CSMD1: variants seen among roughly 807,000 people sequenced by gnomAD.
CSMD1 encodes CUB and Sushi multiple domains 1, also known as CUB and sushi domain-containing protein 1.
A neutral mutation model predicts 417.5 loss-of-function variants in CSMD1; 213 were observed. The observed-to-expected ratio is 0.51, with a 90% CI of 0.46 to 0.57. The LOEUF is 0.57. Ranked by LOEUF, CSMD1 falls within the 20% of genes least tolerant of loss-of-function variation. The probability of loss-of-function intolerance (pLI) is 0.00; values close to 1 mark genes in which losing one functional copy is unlikely to be tolerated. For missense variants in CSMD1, 6,923 were observed against 4,529.7 expected, an observed-to-expected ratio of 1.53 and a Z score of -15.17; for synonymous variants, 2,862 against 1,736.8, an observed-to-expected ratio of 1.65 and a Z score of -16.11.
chr8:4,903,244 C>T (rs536177672), intron 1 of CSMD1, among the ~76,000 whole-genome samples: 1 of 152,300 alleles, frequency 6.6e-6, no homozygotes, highest in Admixed American at 6.5e-5. Flanking sequence ...TACAGCCAGA[C>T]TTAGTGTGTC....
intron 2 of CSMD1, among the ~76,000 whole-genome samples, chr8:4,569,337 G>A (rs1485167880): frequency 2.0e-5 from 3 of 152,184 alleles, no homozygotes; most frequent in Admixed American, 6.5e-5. Context: ...GTAACGAAGT[G>A]ATCCAGTTAC....
intron 3 of CSMD1, among the ~76,000 whole-genome samples, chr8:4,182,714 A>T (rs879712651): frequency 6.6e-6 from 1 of 152,160 alleles, no homozygotes; most frequent in Admixed American, 6.6e-5. Context: ...GTTAGAAAGA[A>T]AAAGAACAGC....
intron 5 of CSMD1, among the ~76,000 whole-genome samples, chr8:3,981,059 C>T (rs775768540): frequency 2.6e-5 from 4 of 152,144 alleles, no homozygotes; most frequent in Non-Finnish European, 5.9e-5. Flanking sequence ...CAGTCAAAAA[C>T]GCCCGTACTT....
At chr8:3,217,573 T>C (rs982925780) in intron 29 of CSMD1, among the ~76,000 whole-genome samples, 1 of 152,168 alleles carries the variant, frequency 6.6e-6, no homozygotes, top group African/African-American at 2.4e-5. Context: ...AGTACTGTCA[T>C]GGTAAAATGC....
intron 5 of CSMD1, among the ~76,000 whole-genome samples, chr8:3,768,165 A>G (rs1297736474): frequency 2.0e-5 from 3 of 152,226 alleles, no homozygotes; most frequent in African/African-American, 7.2e-5. Flanking sequence ...TAGGAGAACT[A>G]AAGCCCAGAA....
rs577782482 is a variant in CSMD1, at chr8:3,642,711, T to C, written c.1010-25914A>G. 1.1e-4 allele frequency among the ~76,000 whole-genome samples: 17 copies of C among 152,192 alleles called. No homozygotes were observed. In the East Asian group the frequency reaches 2.1e-3, roughly 19 times the overall value. The stretch of plus-strand genomic sequence containing the variant: ...GGATACAAAAGAAGTATATTTAACA[T>C]ATATCTATTAGTAAAAGAAAGACTA... On this transcript the variant is annotated intron_variant, in intron 7 of 69. Coordinates refer to ENST00000635120, the MANE Select transcript of CSMD1 (RefSeq NM_033225.6).
At chr8:3,486,596 A>G (rs1818047907) in intron 11 of CSMD1, among the ~76,000 whole-genome samples, 1 of 152,142 alleles carries the variant, frequency 6.6e-6, no homozygotes. Context: ...ACTGGAAATG[A>G]CTCCTGCTGT....
In CSMD1 at chr8:4,067,905, C is replaced by G. The variant is rs1015870705; in HGVS notation, c.416-35806G>C. 2.2e-4 allele frequency among the ~76,000 whole-genome samples: 33 copies of G among 152,016 alleles called. 1 individual carries two copies. Among genetic ancestry groups the G allele is most frequent in the Admixed American group, 1.9e-3 (29 of 15,246 alleles). On this transcript the variant is annotated intron_variant, in intron 3 of 69. Transcript: ENST00000635120. The stretch of plus-strand genomic sequence containing the variant: ...CATCCTGGCCAACATGATGAAACCC[C>G]AACTCTACTAAAAATGCAAAAATTA...
rs375483060 is a variant in CSMD1 at position 4,955,170 on chromosome 8, G to C, written c.85+39162C>G. Among the ~76,000 whole-genome samples, 33 of 152,248 alleles carry C rather than the reference G, an allele frequency of 2.2e-4. No individual in the cohort carries two copies. The East Asian group carries it at 6.0e-3, about 28-fold the overall frequency. ...CTATATCAGAAACCCTCTGAGTGCA[G>C]ACCTACGGGGCTGTTCCCGTTGGCT... On this transcript the variant is annotated intron_variant, in intron 1 of 69. Coordinates refer to ENST00000635120, the MANE Select transcript of CSMD1 (RefSeq NM_033225.6).
At chr8:4,958,831 C>T (rs1233007087) in intron 1 of CSMD1, among the ~76,000 whole-genome samples, 1 of 152,058 alleles carries the variant, frequency 6.6e-6, no homozygotes, top group Non-Finnish European at 1.5e-5. Context: ...TGACAAGTGT[C>T]TAAAAAATGC....
At chr8:3,188,088 G>GTATATATATATACATATGTATATGTA (rs1563124876) in intron 35 of CSMD1, 123 bp from the exon 36 acceptor site, 36 of 275,418 alleles carry the variant, frequency 1.3e-4, no homozygotes, top group East Asian at 1.9e-4. Context: ...ATATGTATAT[G>GTATATATATATACATATGTATATGTA]TATATATATA....
At chr8:4,433,810 G>T (rs1046280317) in intron 2 of CSMD1, among the ~76,000 whole-genome samples, 1 of 151,460 alleles carries the variant, frequency 6.6e-6, no homozygotes, top group Non-Finnish European at 1.5e-5. Context: ...TCCTTTGCAA[G>T]ATACTTTTAA....
At chr8:4,073,742 T>C (rs1298955376) in intron 3 of CSMD1, among the ~76,000 whole-genome samples, 1 of 152,144 alleles carries the variant, frequency 6.6e-6, no homozygotes, top group Non-Finnish European at 1.5e-5. Flanking sequence ...CTGTTTTCCA[T>C]TTCAGCAATT....
At chr8:4,631,717 C>T (rs1320167796) in intron 2 of CSMD1, among the ~76,000 whole-genome samples, 1 of 152,122 alleles carries the variant, frequency 6.6e-6, no homozygotes, top group Non-Finnish European at 1.5e-5. Flanking sequence ...ATTTTAACAA[C>T]ACTTATTCAT....
chr8:2,982,632 C>T (rs1805522359), intron 54 of CSMD1, among the ~76,000 whole-genome samples: 1 of 152,308 alleles, frequency 6.6e-6, no homozygotes, highest in East Asian at 1.9e-4. Flanking sequence ...GCAAAGCACC[C>T]GCACTATGAC....
intron 1 of CSMD1, among the ~76,000 whole-genome samples, chr8:4,884,324 T>G (rs1323703993): frequency 6.6e-6 from 1 of 151,958 alleles, no homozygotes; most frequent in Non-Finnish European, 1.5e-5. Context: ...ATTCTGTGGG[T>G]TATCTTTGTG....
chr8:3,939,899 T>G (rs1030427165), intron 5 of CSMD1, among the ~76,000 whole-genome samples: 5 of 152,002 alleles, frequency 3.3e-5, no homozygotes, highest in African/African-American at 1.2e-4. Context: ...AAAGACTACA[T>G]ATTGGGTTCA....
chr8:3,823,690 G>A (rs1047352860), intron 5 of CSMD1, among the ~76,000 whole-genome samples: 1 of 152,044 alleles, frequency 6.6e-6, no homozygotes, highest in African/African-American at 2.4e-5. Flanking sequence ...ATGGATATAT[G>A]TTTGAACCAT....
chr8:3,472,698 G>A (rs140491894), intron 11 of CSMD1, among the ~76,000 whole-genome samples: 15 of 151,658 alleles, frequency 9.9e-5, no homozygotes, highest in African/African-American at 3.2e-4. Context: ...GCCCTAAGTC[G>A]TCATCATTTT....
Sources: gnomAD v4.1 joint callset for allele counts (sites outside exome capture counted in the v4.1 genomes callset) on GRCh38, gnomAD v4.1.1 for gene constraint, MANE v1.5 for transcripts, NCBI Gene and HGNC (gene_info 2026-07-23, HGNC 2026-07-21) for gene names.